The following AGBL4 variants were observed in gnomAD, a reference collection of about 807,000 sequenced individuals.
The protein encoded by AGBL4 is cytosolic carboxypeptidase 6.
Under a neutral mutation model 66.4 loss-of-function variants are expected in AGBL4, and 58 were observed. The observed-to-expected ratio is 0.87, with a 90% CI of 0.71 to 1.09. The LOEUF is 1.09. Among genes scored for constraint, AGBL4 ranks in the 50% least tolerant of loss-of-function variants. AGBL4 has a pLI of 0.00. For missense variants in AGBL4, 579 were observed against 631.0 expected, an observed-to-expected ratio of 0.92 and a Z score of 0.88; for synonymous variants, 234 against 222.9, an observed-to-expected ratio of 1.05 and a Z score of -0.44.
chr1:48,886,936 G>T (rs1287996385), intron 5 of AGBL4, among the ~76,000 whole-genome samples: 2 of 152,186 alleles, frequency 1.3e-5, no homozygotes, highest in Non-Finnish European at 2.9e-5. Context: ...AGAGGTTTCA[G>T]GATGATGAGG....
intron 4 of AGBL4, among the ~76,000 whole-genome samples, chr1:49,165,595 T>A (rs1646619836): frequency 6.7e-6 from 1 of 148,326 alleles, no homozygotes; most frequent in African/African-American, 2.5e-5. Flanking sequence ...GATAATGTGA[T>A]AAGAAATGAG....
chr1:49,421,826 T>C (rs1570676544), intron 3 of AGBL4, among the ~76,000 whole-genome samples: 1 of 152,154 alleles, frequency 6.6e-6, no homozygotes, highest in East Asian at 1.9e-4. Flanking sequence ...AGTTTCAAGA[T>C]AAACACTATT....
intron 3 of AGBL4, among the ~76,000 whole-genome samples, chr1:49,283,231 T>C (rs1442171997): frequency 2.6e-5 from 4 of 152,100 alleles, no homozygotes; most frequent in Admixed American, 1.3e-4. Context: ...CCGAGCAGCC[T>C]AACTGGGAGG....
At chr1:49,545,423 T>C (rs921567899) in intron 3 of AGBL4, among the ~76,000 whole-genome samples, 2 of 152,214 alleles carry the variant, frequency 1.3e-5, no homozygotes, top group African/African-American at 2.4e-5. Context: ...GCCTGGCCTA[T>C]ATTTCATTGC....
intron 5 of AGBL4, among the ~76,000 whole-genome samples, chr1:48,935,413 A>G (rs1256505007): frequency 6.6e-6 from 1 of 152,100 alleles, no homozygotes; most frequent in African/African-American, 2.4e-5. Flanking sequence ...CAAACAGCAT[A>G]CACTCAGTTC....
At chr1:49,271,632 C>G (rs1216300983) in intron 3 of AGBL4, among the ~76,000 whole-genome samples, 2 of 151,756 alleles carry the variant, frequency 1.3e-5, no homozygotes, top group Non-Finnish European at 2.9e-5. Context: ...TGACTAAAAC[C>G]CTTTTTAAAT....
intron 3 of AGBL4, among the ~76,000 whole-genome samples, chr1:49,339,043 C>T (rs1381840181): frequency 1.3e-5 from 2 of 151,968 alleles, no homozygotes; most frequent in African/African-American, 2.4e-5. Flanking sequence ...GGACTAATGA[C>T]GAAATTAGGA....
intron 3 of AGBL4, among the ~76,000 whole-genome samples, chr1:49,308,928 G>A (rs1644897387): frequency 6.6e-6 from 1 of 152,078 alleles, no homozygotes; most frequent in Non-Finnish European, 1.5e-5. Flanking sequence ...TTGCATCCAG[G>A]TTATACCTCT....
chr1:49,024,715 CG>C (rs1663510643), intron 5 of AGBL4, among the ~76,000 whole-genome samples: 1 of 152,092 alleles, frequency 6.6e-6, no homozygotes, highest in Non-Finnish European at 1.5e-5. Flanking sequence ...TGTATGCCTT[CG>C]GGGAGCTTGG....
chr1:49,322,389 T>TA (rs2148477907), intron 3 of AGBL4, among the ~76,000 whole-genome samples: 1 of 152,316 alleles, frequency 6.6e-6, no homozygotes, highest in Non-Finnish European at 1.5e-5. Context: ...ATGAGACTCT[T>TA]TTTAAATAAA....
chr1:49,745,882 CTT>C (rs1650947107), intron 2 of AGBL4, among the ~76,000 whole-genome samples: 1 of 151,870 alleles, frequency 6.6e-6, no homozygotes, highest in African/African-American at 2.4e-5. Flanking sequence ...CCCAACTAGA[CTT>C]AACAGAAAAC....
At chr1:49,712,124 T>G (rs1647717975) in intron 2 of AGBL4, among the ~76,000 whole-genome samples, 1 of 151,974 alleles carries the variant, frequency 6.6e-6, no homozygotes, top group Admixed American at 6.6e-5. Flanking sequence ...AGGTAGATAT[T>G]AAATTGAACA....
chr1:48,883,615 T>C (rs1466510214), intron 5 of AGBL4, among the ~76,000 whole-genome samples: 1 of 152,254 alleles, frequency 6.6e-6, no homozygotes, highest in Admixed American at 6.5e-5. Flanking sequence ...TCTATAATTA[T>C]CTGTTTATTT....
chr1:50,014,061 G>A (rs1275587193), intron 1 of AGBL4, among the ~76,000 whole-genome samples: 6 of 152,136 alleles, frequency 3.9e-5, no homozygotes, highest in African/African-American at 1.4e-4. Flanking sequence ...ACTGTCAACA[G>A]AGACAGATAC....
intron 4 of AGBL4, among the ~76,000 whole-genome samples, chr1:49,227,384 AT>A (rs1422660523): frequency 1.3e-5 from 2 of 151,770 alleles, no homozygotes; most frequent in Admixed American, 6.6e-5. Flanking sequence ...GACTCTTAAC[AT>A]TTTTTTTCAC....
chr1:48,619,753 A>C (rs1339822905), intron 9 of AGBL4, among the ~76,000 whole-genome samples: 2 of 152,220 alleles, frequency 1.3e-5, no homozygotes, highest in East Asian at 3.9e-4. Flanking sequence ...CAGGAGTTTA[A>C]AGCAAAGCTT....
intron 3 of AGBL4, among the ~76,000 whole-genome samples, chr1:49,542,965 G>C (rs1199727382): frequency 1.4e-5 from 2 of 138,038 alleles, no homozygotes; most frequent in Non-Finnish European, 3.1e-5. Flanking sequence ...AATCCTGAAT[G>C]AATATTTGGC....
chr1:49,710,624 A>T lies in AGBL4; in HGVS notation c.158-13187T>A, dbSNP rs58986022. 5.6e-4 allele frequency among the ~76,000 whole-genome samples: 85 copies of T among 151,812 alleles called. 1 individual carries two copies. The South Asian group carries it at 9.9e-3, about 18-fold the overall frequency. On this transcript the variant is annotated intron_variant, in intron 2 of 13. Coordinates refer to ENST00000371839, the MANE Select transcript of AGBL4 (RefSeq NM_032785.4). ...AATGAATAAATAATTTAAAATTTTT[A>T]AAAAATATATATAATAGAAAATTCT...
intron 3 of AGBL4, among the ~76,000 whole-genome samples, chr1:49,502,938 G>T (rs1040201816): frequency 2.6e-5 from 4 of 152,110 alleles, no homozygotes; most frequent in African/African-American, 9.7e-5. Context: ...CAAGCTGGCT[G>T]CAGAAATTTG....
Sources: allele counts gnomAD v4.1 joint callset (sites outside exome capture counted in the v4.1 genomes callset), GRCh38; gene constraint gnomAD v4.1.1; transcripts MANE v1.5; gene names NCBI Gene and HGNC (gene_info 2026-07-23, HGNC 2026-07-21).